CNTN3: variants seen among roughly 807,000 people sequenced by gnomAD.
CNTN3 encodes the protein contactin-3.
Under a neutral mutation model 119.1 loss-of-function variants are expected in CNTN3, and 60 were observed. The observed-to-expected ratio is 0.50, with a 90% CI of 0.41 to 0.62. The LOEUF (loss-of-function observed/expected upper bound fraction) is 0.62, where lower values mean the gene tolerates loss of function less well. CNTN3 is among the 20% of genes least tolerant of loss of function. The pLI, the probability that CNTN3 is intolerant of heterozygous loss-of-function variation, is 0.00. For missense variants in CNTN3, 1,101 were observed against 1,242.4 expected, an observed-to-expected ratio of 0.89 and a Z score of 1.71; for synonymous variants, 450 against 438.7, an observed-to-expected ratio of 1.03 and a Z score of -0.32.
intron 4 of CNTN3, among the ~76,000 whole-genome samples, chr3:74,436,652 G>A (rs1271884855): frequency 1.3e-5 from 2 of 152,058 alleles, no homozygotes; most frequent in Non-Finnish European, 1.5e-5. Flanking sequence ...CAAATATAAA[G>A]GCTTTTGAAA....
intron 3 of CNTN3, 113 bp from the exon 4 acceptor site, chr3:74,486,744 A>T: frequency 2.3e-6 from 2 of 852,410 alleles, no homozygotes; most frequent in Non-Finnish European, 3.4e-6. Flanking sequence ...AGTGATACAT[A>T]TATTATTCAA....
At chr3:74,387,347 G>C (rs954732898) in intron 5 of CNTN3, among the ~76,000 whole-genome samples, 2 of 152,162 alleles carry the variant, frequency 1.3e-5, no homozygotes, top group African/African-American at 2.4e-5. Flanking sequence ...GGAAATAAAA[G>C]AGGATTAAAA....
At chr3:74,566,104 T>A (rs982569481) in intron 1 of CNTN3, among the ~76,000 whole-genome samples, 4 of 152,164 alleles carry the variant, frequency 2.6e-5, no homozygotes, top group Admixed American at 2.0e-4. Context: ...CTTTCCTTTA[T>A]AAACTACCCA....
intron 13 of CNTN3, among the ~76,000 whole-genome samples, chr3:74,330,467 T>G (rs980426884): frequency 1.3e-5 from 2 of 152,216 alleles, no homozygotes; most frequent in African/African-American, 4.8e-5. Context: ...AAACCTACTG[T>G]GCTGCCTGTC....
At chr3:74,579,129 A>C (rs1340307906) in intron 1 of CNTN3, among the ~76,000 whole-genome samples, 1 of 152,024 alleles carries the variant, frequency 6.6e-6, no homozygotes. Flanking sequence ...GACAAAGTAG[A>C]CTTCAAGGCA....
chr3:74,578,999 T>C (rs1704460440), intron 1 of CNTN3, among the ~76,000 whole-genome samples: 1 of 152,024 alleles, frequency 6.6e-6, no homozygotes, highest in Non-Finnish European at 1.5e-5. Context: ...GAAGCAACTA[T>C]ATGCTCTTTA....
chr3:74,570,748 C>T (rs747620765), intron 1 of CNTN3, among the ~76,000 whole-genome samples: 3 of 152,102 alleles, frequency 2.0e-5, no homozygotes, highest in Admixed American at 6.6e-5. Flanking sequence ...CTCCCTCAGC[C>T]GGCAGCTGCT....
chr3:74,524,136 A>G (rs1164512071), intron 1 of CNTN3, among the ~76,000 whole-genome samples: 1 of 151,924 alleles, frequency 6.6e-6, no homozygotes, highest in African/African-American at 2.4e-5. Flanking sequence ...TTTTCAAAAA[A>G]CGTTATCTTC....
At chr3:74,475,356 A>T (rs921917086) in intron 4 of CNTN3, among the ~76,000 whole-genome samples, 2 of 152,216 alleles carry the variant, frequency 1.3e-5, no homozygotes, top group African/African-American at 4.8e-5. Context: ...TAAATTCTAC[A>T]GCTTACACCG....
intron 13 of CNTN3, among the ~76,000 whole-genome samples, chr3:74,332,120 C>T (rs1376496512): frequency 6.6e-6 from 1 of 152,200 alleles, no homozygotes; most frequent in Non-Finnish European, 1.5e-5. Context: ...TTATCAGCCT[C>T]CTTGTTCACA....
chr3:74,589,266 A>G (rs1361594038), intron 1 of CNTN3, among the ~76,000 whole-genome samples: 2 of 151,816 alleles, frequency 1.3e-5, no homozygotes, highest in Non-Finnish European at 2.9e-5. Flanking sequence ...ACAAGAAAAA[A>G]ACAAACAACC....
At chr3:74,406,361 T>C (rs1006542965) in intron 5 of CNTN3, among the ~76,000 whole-genome samples, 2 of 152,186 alleles carry the variant, frequency 1.3e-5, no homozygotes, top group East Asian at 1.9e-4. Context: ...TTTTCAATTA[T>C]GGGGAAAATG....
chr3:74,590,482 G>A (rs1704682459), intron 1 of CNTN3, among the ~76,000 whole-genome samples: 1 of 110,076 alleles, frequency 9.1e-6, no homozygotes, highest in Non-Finnish European at 1.5e-5. Context: ...AGACAGGGAC[G>A]CAGTGCTCAG....
intron 14 of CNTN3, 66 bp from the exon 15 acceptor site, chr3:74,301,871 A>G: frequency 6.5e-7 from 1 of 1,542,814 alleles, no homozygotes; most frequent in Non-Finnish European, 8.9e-7. Context: ...CCTATCAAAG[A>G]GAAGAGAATG....
chr3:74,404,403 T>C (rs1705272075), intron 5 of CNTN3, among the ~76,000 whole-genome samples: 1 of 152,112 alleles, frequency 6.6e-6, no homozygotes, highest in South Asian at 2.1e-4. Flanking sequence ...CAATGTCTGT[T>C]ACTCTGGTTT....
chr3:74,518,879 G>A (rs1311535263), intron 2 of CNTN3, among the ~76,000 whole-genome samples: 1 of 151,858 alleles, frequency 6.6e-6, no homozygotes, highest in African/African-American at 2.4e-5. Context: ...GCCCAAATAT[G>A]TGAATTTTGT....
At chr3:74,366,804 AT>A (rs1270631467) in intron 8 of CNTN3, among the ~76,000 whole-genome samples, 4 of 137,508 alleles carry the variant, frequency 2.9e-5, no homozygotes, top group African/African-American at 1.1e-4. Context: ...ATATATATAT[AT>A]ATAACTTGCT....
At chr3:74,609,167 C>T (rs1705040293) in intron 1 of CNTN3, among the ~76,000 whole-genome samples, 1 of 152,154 alleles carries the variant, frequency 6.6e-6, no homozygotes, top group Non-Finnish European at 1.5e-5. Flanking sequence ...TGTATTATAG[C>T]TGGAGTGTTA....
chr3:74,513,899 T>A (rs1047960443), intron 2 of CNTN3, among the ~76,000 whole-genome samples: 1 of 151,656 alleles, frequency 6.6e-6, no homozygotes, highest in Non-Finnish European at 1.5e-5. Flanking sequence ...CTTCCTTAGT[T>A]GCCAAGCAGA....
Sources: allele counts gnomAD v4.1 joint callset (sites outside exome capture counted in the v4.1 genomes callset), GRCh38; gene constraint gnomAD v4.1.1; transcripts MANE v1.5; gene names NCBI Gene and HGNC (gene_info 2026-07-23, HGNC 2026-07-21).